TP53BP2: variants seen among roughly 807,000 people sequenced by gnomAD.
TP53BP2 encodes the protein tumor protein p53 binding protein 2.
TP53BP2 carries 62 observed loss-of-function variants against 126.2 expected under a neutral mutation model. That is an observed-to-expected ratio of 0.49 (90% CI 0.40 to 0.61). The LOEUF is 0.61. Among genes scored for constraint, TP53BP2 ranks in the 20% least tolerant of loss-of-function variants. The pLI, the probability that TP53BP2 is intolerant of heterozygous loss-of-function variation, is 0.00. For synonymous variants in TP53BP2, 485 were observed against 502.9 expected, an observed-to-expected ratio of 0.96 and a Z score of 0.48; for missense variants, 1,215 against 1,402.8, an observed-to-expected ratio of 0.87 and a Z score of 2.14.
rs1022418883 is a variant in TP53BP2, at chr1:223,787,853, G to C, written c.3163+1155C>G. ...TGATTGTGCCACTGCACTCCAACCTGAGTGACAGAGCAAGACCCTACCTCA... is the reference window on the plus strand; with the variant it reads ...TGATTGTGCCACTGCACTCCAACCTCAGTGACAGAGCAAGACCCTACCTCA... On this transcript the variant is annotated intron_variant, in intron 16 of 17. Coordinates refer to ENST00000343537, the MANE Select transcript of TP53BP2 (RefSeq NM_001031685.3). Among the ~76,000 whole-genome samples the C allele has an allele frequency of 2.6e-5, 4 of 152,084 alleles. No individual in the cohort carries two copies. The East Asian group carries it at 7.7e-4, about 29-fold the overall frequency.
At chr1:223,829,909 T>A (rs1017993878) in intron 1 of TP53BP2, among the ~76,000 whole-genome samples, 2 of 152,134 alleles carry the variant, frequency 1.3e-5, no homozygotes, top group African/African-American at 2.4e-5. Context: ...CACATACACA[T>A]TAAAATGTTA....
intron 14 of TP53BP2, 47 bp downstream of exon 14, chr1:223,793,256 A>G (rs201847284): frequency 7.9e-6 from 11 of 1,399,978 alleles, no homozygotes; most frequent in East Asian, 2.6e-5. Flanking sequence ...TGGATGACAG[A>G]GCGAGACTCT....
intron 1 of TP53BP2, among the ~76,000 whole-genome samples, chr1:223,833,881 G>A (rs1558110434): frequency 6.6e-6 from 1 of 152,220 alleles, no homozygotes; most frequent in Non-Finnish European, 1.5e-5. Context: ...GCACACAAAT[G>A]AGCATGGTAT....
chr1:223,789,468 A>G (rs1426164210), intron 15 of TP53BP2, among the ~76,000 whole-genome samples: 1 of 152,268 alleles, frequency 6.6e-6, no homozygotes, highest in East Asian at 1.9e-4. Context: ...TAAACATTTA[A>G]GAAAAACAAT....
At chr1:223,785,297 C>G (rs1558086688) in intron 16 of TP53BP2, among the ~76,000 whole-genome samples, 1 of 152,186 alleles carries the variant, frequency 6.6e-6, no homozygotes, top group Non-Finnish European at 1.5e-5. Flanking sequence ...ATATAGCACA[C>G]AGTATATTTC....
In TP53BP2 at chr1:223,799,315, T is replaced by G. The variant is rs556771506; in HGVS notation, c.1485+584A>C. Reference sequence around the variant, plus strand: ...GTATTTACTCACATTTAATAATGGTTTTCATTAATGCAATACAATCTCTTC... The same window carrying G: ...GTATTTACTCACATTTAATAATGGTGTTCATTAATGCAATACAATCTCTTC... On this transcript the variant is annotated intron_variant, in intron 11 of 17. Coordinates refer to ENST00000343537, the MANE Select transcript of TP53BP2 (RefSeq NM_001031685.3). Among the ~76,000 whole-genome samples, 73 of 152,274 alleles carry G rather than the reference T, an allele frequency of 4.8e-4. No individual in the cohort carries two copies. The South Asian group carries it at 0.015, about 32-fold the overall frequency.
Position 223,793,363 on chromosome 1 carries a change from A to C in TP53BP2, c.2802T>G (p.Ala934=). Residue 934 remains alanine, a synonymous_variant, in exon 14 of 18, where the codon GCT becomes GCG. Transcript: ENST00000343537. ...CCTCCAAAGACGAATCTAGCAGTAA[A>C]GCAAGGGGGTTGAATTTCACCCTCA... is the stretch of plus-strand genomic sequence containing the variant. ...HGMRVKFNPL[A]LLLDSSLEGE... The C allele has an allele frequency of 8.1e-6, 13 of 1,612,120 alleles. No individual in the cohort carries two copies. The highest frequency in any genetic ancestry group is 1.1e-5 in the Non-Finnish European group (13 of 1,179,120).
intron 4 of TP53BP2, 30 bp from the exon 5 acceptor site, chr1:223,806,977 C>A (rs374771141): frequency 1.2e-4 from 183 of 1,536,202 alleles, no homozygotes; most frequent in Middle Eastern, 6.8e-4. Flanking sequence ...TAAACACAAT[C>A]CCAGCTTACT....
intron 1 of TP53BP2, among the ~76,000 whole-genome samples, chr1:223,836,621 A>G (rs778991901): frequency 6.6e-6 from 1 of 152,210 alleles, no homozygotes; most frequent in Non-Finnish European, 1.5e-5. Flanking sequence ...GAAGAGACAC[A>G]TTGCTGTTTC....
At chr1:223,786,885 C>A (rs751993135) in intron 16 of TP53BP2, among the ~76,000 whole-genome samples, 1 of 151,190 alleles carries the variant, frequency 6.6e-6, no homozygotes, top group Non-Finnish European at 1.5e-5. Flanking sequence ...GGATTATAGG[C>A]GTGAGCCACC....
intron 1 of TP53BP2, among the ~76,000 whole-genome samples, chr1:223,829,054 T>C (rs554059599): frequency 4.8e-4 from 73 of 151,992 alleles, no homozygotes; most frequent in African/African-American, 1.7e-3. Context: ...AGGCCGGGCA[T>C]GGTGGCTCAC....
chr1:223,808,837 A>G (rs1001118719), intron 4 of TP53BP2, among the ~76,000 whole-genome samples: 1 of 152,094 alleles, frequency 6.6e-6, no homozygotes, highest in African/African-American at 2.4e-5. Context: ...AAGAAGAGAC[A>G]CAGAGAGCAA....
In TP53BP2 at chr1:223,831,480, A is replaced by AAAATATAT. The variant is rs1287271743; in HGVS notation, c.28-10114_28-10113insATATATTT. On this transcript the variant is annotated intron_variant, in intron 1 of 17. Coordinates refer to ENST00000343537, the MANE Select transcript of TP53BP2 (RefSeq NM_001031685.3). ...TATGTACCATCTAAAAAAAAAAAAA[A>AAAATATAT]ATATATATATATATATATATATATA... Among the ~76,000 whole-genome samples, 6 of 32,466 alleles carry AAAATATAT rather than the reference A, an allele frequency of 1.8e-4. No individual in the cohort carries two copies. In the East Asian group the frequency reaches 3.1e-3, roughly 17 times the overall value. The allele number at this position is 32,466 out of a possible 152,430, so 21.3% of individuals were successfully genotyped here. A position where few individuals can be genotyped will look rare whatever the true frequency, so the allele number is the denominator to read the frequency against.
At chr1:223,840,394 C>T (rs944136339) in intron 1 of TP53BP2, among the ~76,000 whole-genome samples, 8 of 152,178 alleles carry the variant, frequency 5.3e-5, no homozygotes, top group Non-Finnish European at 7.3e-5. Context: ...CCATCAAAAA[C>T]AAGTATTTAA....
At chr1:223,797,041 T>A (rs1215084452) in intron 12 of TP53BP2, among the ~76,000 whole-genome samples, 1 of 152,236 alleles carries the variant, frequency 6.6e-6, no homozygotes, top group African/African-American at 2.4e-5. Flanking sequence ...GAACCACTTA[T>A]AGTTACCAAA....
At chr1:223,805,367 G>A (rs1422032287) in intron 5 of TP53BP2, among the ~76,000 whole-genome samples, 1 of 152,162 alleles carries the variant, frequency 6.6e-6, no homozygotes, top group Admixed American at 6.5e-5. Context: ...GCTACTCAAT[G>A]TAATGTGCAT....
At chr1:223,843,361 A>AAAT (rs1664168781) in intron 1 of TP53BP2, among the ~76,000 whole-genome samples, 1 of 151,878 alleles carries the variant, frequency 6.6e-6, no homozygotes, top group Admixed American at 6.6e-5. Flanking sequence ...AGTAGAGACG[A>AAAT]GGTTTCACCA....
chr1:223,794,509 A>C (rs1351082896), intron 13 of TP53BP2, among the ~76,000 whole-genome samples: 1 of 152,206 alleles, frequency 6.6e-6, no homozygotes, highest in African/African-American at 2.4e-5. Context: ...AAGGTAAGAC[A>C]CCTTCCTAGG....
chr1:223,791,521 C>A (rs1662156365), intron 15 of TP53BP2, among the ~76,000 whole-genome samples: 3 of 152,222 alleles, frequency 2.0e-5, no homozygotes, highest in East Asian at 1.9e-4. Context: ...GAGACCGTCA[C>A]AATAAATGAG....
Sources: gnomAD v4.1 joint callset for allele counts (sites outside exome capture counted in the v4.1 genomes callset) on GRCh38, gnomAD v4.1.1 for gene constraint, MANE v1.5 for transcripts, NCBI Gene and HGNC (gene_info 2026-07-23, HGNC 2026-07-21) for gene names.